The following TRIM4 variants were observed in gnomAD, a reference collection of about 807,000 sequenced individuals.
TRIM4 encodes the protein tripartite motif containing 4, also known as E3 ubiquitin-protein ligase TRIM4.
TRIM4 carries 29 observed loss-of-function variants against 33.7 expected under a neutral mutation model. The observed-to-expected ratio is 0.86, with a 90% CI of 0.64 to 1.17. The LOEUF is 1.17. TRIM4 is among the 50% of genes most tolerant of loss of function. The pLI is 0.00. For missense variants in TRIM4, 554 were observed against 593.7 expected, an observed-to-expected ratio of 0.93 and a Z score of 0.69; for synonymous variants, 224 against 233.0, an observed-to-expected ratio of 0.96 and a Z score of 0.35.
At position 99,892,748 on chromosome 7, in the gene TRIM4, T is replaced by G. The variant is rs759211254; in HGVS notation, c.842-2A>C. The G allele has an allele frequency of 6.2e-7, 1 of 1,608,338 alleles. No homozygotes were observed. The highest frequency in any genetic ancestry group is 1.1e-5 in the South Asian group (1 of 90,258). The stretch of plus-strand genomic sequence containing the variant: ...TGTCTTCAGCTAGGTTTACAGCCAC[T>G]GTGGAGAAAATGAGAGCTAAGTAGT... On this transcript the variant is annotated splice_acceptor_variant, in intron 5 of 5. Transcript: ENST00000349062. LOFTEE classifies it high-confidence loss of function.
rs773814499 is a variant in TRIM4 at position 99,892,252 on chromosome 7, A to G, written c.1336T>C (p.Ser446Pro). ...AVDGVHLHTF[S>P]CSSVSRLRPF... is the part of the protein sequence containing the mutation. ...CGGAGGCGTGAGACAGAAGAACAAG[A>G]AAAGGTGTGCAGGTGCACTCCGTCC... The change falls in exon 6 of 6, where the codon TCT becomes CCT. Residue 446 changes from serine to proline, a missense_variant. Around this residue, in one of 3 missense-constraint regions of TRIM4, gnomAD observed 290 missense variants for 335.8 expected, o/e 0.86. Coordinates refer to ENST00000349062, the MANE Select transcript of TRIM4 (RefSeq NM_033091.3). 5 of 1,614,176 alleles carry G rather than the reference A, an allele frequency of 3.1e-6. No individual in the cohort carries two copies. Among genetic ancestry groups the G allele is most frequent in the Non-Finnish European group, 4.2e-6 (5 of 1,180,040 alleles).
intron 4 of TRIM4, 23 bp from the exon 5 acceptor site, chr7:99,903,338 TC>T (rs1207072631): frequency 6.4e-7 from 1 of 1,570,452 alleles, no homozygotes; most frequent in Non-Finnish European, 8.7e-7. Flanking sequence ...AGAAGACTGC[TC>T]TTAGGGGACA....
Position 99,903,577 on chromosome 7 carries a change from T to C in TRIM4, c.742A>G (p.Arg248Gly). The C allele has an allele frequency of 1.2e-6, 2 of 1,614,240 alleles. No homozygotes were observed. Among genetic ancestry groups the C allele is most frequent in the South Asian group, 1.1e-5 (1 of 91,084 alleles). ...LLQNPKEVLT[R>G]SEIQDVNYSL... ...CCATAAGAGAACAGGAGTGCATACC[T>C]GGTCAACACTTCTTTTGGATTCTGT... is the stretch of plus-strand genomic sequence containing the variant. Residue 248 changes from arginine (R) to glycine (G), a missense_variant and splice_region_variant, in exon 4 of 6, where the codon AGG (arginine) becomes GGG (glycine). Arg to Gly is a moderately radical substitution (Grantham distance 125). This residue lies in a region of TRIM4 where 290 missense variants were observed against 335.8 expected (regional missense o/e 0.86). Coordinates refer to ENST00000349062, the MANE Select transcript of TRIM4 (RefSeq NM_033091.3).
At chr7:99,899,565 CAT>C in intron 5 of TRIM4, among the ~76,000 whole-genome samples, 1 of 152,328 alleles carries the variant, frequency 6.6e-6, no homozygotes, top group Admixed American at 6.5e-5. Context: ...CCACTTCACA[CAT>C]GAGAACTGTA....
chr7:99,916,347 C>T (rs1584274543), intron 1 of TRIM4, among the ~76,000 whole-genome samples: 1 of 152,194 alleles, frequency 6.6e-6, no homozygotes, highest in Admixed American at 6.5e-5. Context: ...CTTACTTCTT[C>T]CATGACTTCA....
At chr7:99,898,112 A>G (rs1212558578) in intron 5 of TRIM4, among the ~76,000 whole-genome samples, 1 of 152,222 alleles carries the variant, frequency 6.6e-6, no homozygotes, top group Non-Finnish European at 1.5e-5. Flanking sequence ...TGGCATGATA[A>G]GTCTCACCCA....
At position 99,891,515 on chromosome 7, in the gene TRIM4, T is replaced by C. The variant is rs768719601; in HGVS notation, c.*648A>G. 1 of 152,368 alleles carries C rather than the reference T, an allele frequency of 6.6e-6. No homozygotes were observed. Among genetic ancestry groups the C allele is most frequent in the Non-Finnish European group, 1.5e-5 (1 of 68,182 alleles). The allele number at this position is 152,368 out of a possible 1,614,324, so 9.4% of individuals were successfully genotyped here. On this transcript the variant is annotated 3_prime_UTR_variant, in exon 6 of 6. Coordinates refer to ENST00000349062, the MANE Select transcript of TRIM4 (RefSeq NM_033091.3). ...GGTTGGGAAGAGAGAGAGTGCAACA[T>C]AGGCAGAGTGAGGGGGGATTCCCAC...
intron 1 of TRIM4, chr7:99,916,867 T>C (rs1329391092): frequency 4.0e-6 from 3 of 745,476 alleles, no homozygotes; most frequent in Non-Finnish European, 7.4e-6. Context: ...TCAATCTTTT[T>C]ACTATGGCAA....
chr7:99,910,748 T>C (rs1819421782), intron 1 of TRIM4, among the ~76,000 whole-genome samples: 1 of 152,224 alleles, frequency 6.6e-6, no homozygotes, highest in Non-Finnish European at 1.5e-5. Flanking sequence ...TATGCCATTT[T>C]TGTAATTTAA....
intron 4 of TRIM4, 76 bp downstream of exon 4, chr7:99,903,500 G>C (rs970801672): frequency 2.5e-6 from 4 of 1,582,910 alleles, no homozygotes; most frequent in Non-Finnish European, 3.5e-6. Flanking sequence ...ATGGATCCTA[G>C]GCCTTGTTTC....
chr7:99,919,352 TC>T lies in TRIM4; in HGVS notation c.49del (p.Asp17ThrfsTer54). 6.3e-7 allele frequency: 1 copy of T among 1,577,874 alleles called. No individual in the cohort carries two copies. The highest frequency in any genetic ancestry group is 1.2e-5 in the South Asian group (1 of 86,940). On this transcript the variant is annotated frameshift_variant, in exon 1 of 6. Coordinates refer to ENST00000349062, the MANE Select transcript of TRIM4 (RefSeq NM_033091.3). LOFTEE classifies it high-confidence loss of function. ...QEELTCPICLDYFQDPVSIEC... is the reference protein window; with the variant it reads ...QEELTCPICLXYFQDPVSIEC... Reference sequence around the variant, plus strand: ...GATGGACACCGGGTCCTGGAAATAGTCCAGGCAGATGGGGCAGGTCAACTCC... The same window carrying T: ...GATGGACACCGGGTCCTGGAAATAGTCAGGCAGATGGGGCAGGTCAACTCC...
At position 99,910,582 on chromosome 7, in the gene TRIM4, T is replaced by C. The variant is rs1819416839; in HGVS notation, c.394-922A>G. The stretch of plus-strand genomic sequence containing the variant: ...GTCTATGCGCATACGTGTTTATCTA[T>C]GTGTGTGTATTTGTATGTGAAAGCA... On this transcript the variant is annotated intron_variant, in intron 1 of 5. Coordinates refer to ENST00000349062, the MANE Select transcript of TRIM4 (RefSeq NM_033091.3). Among the ~76,000 whole-genome samples, 6 of 152,180 alleles carry C rather than the reference T, an allele frequency of 3.9e-5. No individual in the cohort carries two copies. In the South Asian group the frequency reaches 1.2e-3, roughly 31 times the overall value.
At chr7:99,917,617 G>A (rs1020082854) in intron 1 of TRIM4, among the ~76,000 whole-genome samples, 2 of 152,216 alleles carry the variant, frequency 1.3e-5, no homozygotes, top group African/African-American at 4.8e-5. Context: ...TACTCGGTAA[G>A]CTGAGGCAGG....
intron 5 of TRIM4, among the ~76,000 whole-genome samples, chr7:99,894,663 TCC>T (rs201644203): frequency 1.1e-5 from 1 of 95,040 alleles, no homozygotes; most frequent in Non-Finnish European, 2.2e-5. Flanking sequence ...CAAGACTCCA[TCC>T]CCCCCCCAAA....
Position 99,919,266 on chromosome 7 carries a change from G to A in TRIM4, c.136C>T (p.Pro46Ser). Residue 46 changes from proline to serine, a missense_variant, in exon 1 of 6, where the codon CCG becomes TCG. By Grantham distance (74) the Pro-to-Ser change is moderately conservative (BLOSUM62 -1). Around this residue, in one of 3 missense-constraint regions of TRIM4, gnomAD observed 233 missense variants for 203.1 expected, o/e 1.15. Transcript: ENST00000349062. Reference sequence around the variant, plus strand: ...TGCCGACATTCGGGGCAGGGGAACGGGCCGCCGCCCGGCGCCCAGTTGCGG... The same window carrying A: ...TGCCGACATTCGGGGCAGGGGAACGAGCCGCCGCCCGGCGCCCAGTTGCGG... ...LHRNWAPGGG[P>S]FPCPECRHPS... 6.5e-7 allele frequency: 1 copy of A among 1,545,462 alleles called. No homozygotes were observed. Among genetic ancestry groups the A allele is most frequent in the East Asian group, 2.5e-5 (1 of 40,102 alleles).
intron 3 of TRIM4, chr7:99,908,251 ATGCT>A (rs1819354168): frequency 4.9e-6 from 1 of 202,840 alleles, no homozygotes; most frequent in Non-Finnish European, 9.8e-6. Context: ...TGGGAGTTTT[ATGCT>A]TGCTTTGTTT....
At chr7:99,916,427 TG>T (rs1442093538) in intron 1 of TRIM4, among the ~76,000 whole-genome samples, 1 of 152,230 alleles carries the variant, frequency 6.6e-6, no homozygotes, top group Non-Finnish European at 1.5e-5. Flanking sequence ...CCCTCTTCCT[TG>T]GACTTCCTGT....
chr7:99,901,824 C>T (rs1819176439), intron 5 of TRIM4: 1 of 422,738 alleles, frequency 2.4e-6, no homozygotes, highest in Non-Finnish European at 4.2e-6. Context: ...CTGATCAGAA[C>T]TCTGCCAAAC....
intron 1 of TRIM4, among the ~76,000 whole-genome samples, chr7:99,912,531 T>TA (rs34914690): frequency 0.57 from 83,057 of 145,332 alleles, 25,208 homozygotes; most frequent in African/African-American, 0.81. Context: ...CTCTACATAT[T>TA]AAAAAAAAAA....
Sources: gnomAD v4.1 joint callset for allele counts (sites outside exome capture counted in the v4.1 genomes callset) on GRCh38, gnomAD v4.1.1 for gene constraint, gnomAD v4.1.1 regional missense constraint, MANE v1.5 for transcripts, NCBI Gene and HGNC (gene_info 2026-07-23, HGNC 2026-07-21) for gene names.